DLG2: variants seen among roughly 807,000 people sequenced by gnomAD.
DLG2 encodes the protein disks large homolog 2.
In DLG2, 45 loss-of-function variants were observed where a neutral mutation model predicts 132.5. The observed-to-expected ratio is 0.34, with a 90% confidence interval of 0.27 to 0.44. The LOEUF (loss-of-function observed/expected upper bound fraction) is 0.44. Ranked by LOEUF, DLG2 falls within the 20% of genes least tolerant of loss-of-function variation. The pLI is 1.00. For missense variants in DLG2, 1,045 were observed against 1,196.9 expected (o/e 0.87, Z 1.87); for synonymous variants, 424 against 419.6 (o/e 1.01, Z -0.13).
At chr11:83,953,958 A>G (rs573853333) in intron 14 of DLG2, among the ~76,000 whole-genome samples, 1 of 152,316 alleles carries the variant, frequency 6.6e-6, no homozygotes, top group South Asian at 2.1e-4. Flanking sequence ...GGATGAACTT[A>G]CTCCATTAAA....
chr11:85,013,122 C>T (rs993074104), intron 6 of DLG2, among the ~76,000 whole-genome samples: 3 of 152,196 alleles, frequency 2.0e-5, no homozygotes, highest in African/African-American at 4.8e-5. Context: ...GTTCCACATG[C>T]TCTTGCTAAC....
chr11:85,379,296 C>A (rs889988689), intron 3 of DLG2, among the ~76,000 whole-genome samples: 1 of 152,172 alleles, frequency 6.6e-6, no homozygotes, highest in African/African-American at 2.4e-5. Context: ...ACGCTCCTCC[C>A]TAACAGCTGA....
chr11:83,627,264 T>A (rs1253761282), intron 19 of DLG2, among the ~76,000 whole-genome samples: 5 of 152,044 alleles, frequency 3.3e-5, no homozygotes, highest in East Asian at 3.8e-4. Flanking sequence ...CATGCAGGTT[T>A]GTTACATATG....
chr11:85,583,043 CA>C (rs1430234533), intron 3 of DLG2, among the ~76,000 whole-genome samples: 1 of 104,340 alleles, frequency 9.6e-6, no homozygotes, highest in African/African-American at 4.1e-5. Context: ...AACTAGAAAC[CA>C]GGGGAAAAAA....
intron 7 of DLG2, among the ~76,000 whole-genome samples, chr11:84,361,604 C>T (rs901870469): frequency 1.3e-5 from 2 of 151,918 alleles, no homozygotes; most frequent in African/African-American, 4.8e-5. Context: ...TATCTATACA[C>T]AGAATTTATA....
intron 6 of DLG2, among the ~76,000 whole-genome samples, chr11:84,719,963 T>C (rs1031492914): frequency 6.6e-6 from 1 of 152,226 alleles, no homozygotes; most frequent in Middle Eastern, 3.4e-3. Flanking sequence ...GCTCCCAAAT[T>C]AGCAGTCTGG....
intron 6 of DLG2, among the ~76,000 whole-genome samples, chr11:84,734,928 G>GT (rs2063630546): frequency 6.6e-6 from 1 of 152,140 alleles, no homozygotes; most frequent in Admixed American, 6.5e-5. Context: ...CTGTTTATAT[G>GT]TTGGATTATG....
At chr11:83,926,729 A>G (rs538079582) in intron 15 of DLG2, among the ~76,000 whole-genome samples, 23 of 152,214 alleles carry the variant, frequency 1.5e-4, no homozygotes, top group African/African-American at 5.1e-4. Context: ...GGGTTTTTCT[A>G]TCTAATTCTA....
At chr11:85,228,163 C>T (rs1595542148) in intron 4 of DLG2, among the ~76,000 whole-genome samples, 1 of 152,062 alleles carries the variant, frequency 6.6e-6, no homozygotes, top group East Asian at 1.9e-4. Flanking sequence ...CCAGTTGTAT[C>T]TTAGGCCTAG....
At chr11:83,688,997 C>T (rs1275852084) in intron 18 of DLG2, among the ~76,000 whole-genome samples, 2 of 152,096 alleles carry the variant, frequency 1.3e-5, no homozygotes, top group African/African-American at 4.8e-5. Flanking sequence ...ACGTTGAATG[C>T]CAGAAGAACG....
chr11:84,778,632 T>C (rs905754534), intron 6 of DLG2, among the ~76,000 whole-genome samples: 17 of 152,206 alleles, frequency 1.1e-4, no homozygotes, highest in African/African-American at 3.6e-4. Context: ...CATTGTTTTG[T>C]AGTTTTCCTT....
At chr11:84,120,223 C>T (rs1370306447) in intron 9 of DLG2, among the ~76,000 whole-genome samples, 2 of 152,026 alleles carry the variant, frequency 1.3e-5, no homozygotes, top group Non-Finnish European at 2.9e-5. Flanking sequence ...TCCCTTGTCT[C>T]GGTATTTCAC....
At chr11:84,780,845 T>A (rs2071622042) in intron 6 of DLG2, among the ~76,000 whole-genome samples, 1 of 152,086 alleles carries the variant, frequency 6.6e-6, no homozygotes, top group Non-Finnish European at 1.5e-5. Context: ...TCTTAATGAT[T>A]GTTTTGAATT....
intron 3 of DLG2, among the ~76,000 whole-genome samples, chr11:85,420,004 G>A (rs998440309): frequency 6.6e-5 from 10 of 152,192 alleles, no homozygotes; most frequent in African/African-American, 2.4e-4. Flanking sequence ...CTTTGGAGGT[G>A]AAGAGGCATT....
At chr11:83,538,788 G>C (rs924312685) in intron 20 of DLG2, among the ~76,000 whole-genome samples, 1 of 152,220 alleles carries the variant, frequency 6.6e-6, no homozygotes, top group Non-Finnish European at 1.5e-5. Context: ...CCTAATCGCA[G>C]AGTAGCTGTG....
chr11:84,704,150 A>G (rs2059537181), intron 6 of DLG2, among the ~76,000 whole-genome samples: 1 of 151,276 alleles, frequency 6.6e-6, no homozygotes, highest in Admixed American at 6.6e-5. Context: ...AAGTTTAAGT[A>G]TCTTTCCCAC....
chr11:85,007,664 C>CAAAAAAAAA (rs57188165), intron 6 of DLG2, among the ~76,000 whole-genome samples: 5 of 88,534 alleles, frequency 5.6e-5, no homozygotes, highest in Non-Finnish European at 8.8e-5. Context: ...GACTCCGTCT[C>CAAAAAAAAA]AAAAAAAAAA....
chr11:85,316,802 A>T (rs1369070988), intron 3 of DLG2, among the ~76,000 whole-genome samples: 1 of 151,950 alleles, frequency 6.6e-6, no homozygotes, highest in Non-Finnish European at 1.5e-5. Flanking sequence ...AAATTGGGAT[A>T]TTTTCTTTGT....
chr11:84,595,818 G>T (rs1414527240), intron 6 of DLG2, among the ~76,000 whole-genome samples: 1 of 152,192 alleles, frequency 6.6e-6, no homozygotes, highest in Non-Finnish European at 1.5e-5. Flanking sequence ...TAAAGTCACA[G>T]ATTGAAAACT....
Sources: allele counts gnomAD v4.1 joint callset (sites outside exome capture counted in the v4.1 genomes callset), GRCh38; gene constraint gnomAD v4.1.1; transcripts MANE v1.5; gene names NCBI Gene and HGNC (gene_info 2026-07-23, HGNC 2026-07-21).